Variants in UCK2 observed in about 807,000 individuals in gnomAD.
UCK2 encodes cytidine monophosphokinase 2.
UCK2 carries 6 observed loss-of-function variants against 30.8 expected under a neutral mutation model. That is an observed-to-expected ratio of 0.19 (90% CI 0.11 to 0.38). The LOEUF (loss-of-function observed/expected upper bound fraction) is 0.38, where lower values mean the gene tolerates loss of function less well. UCK2 is among the 10% of genes least tolerant of loss of function. The pLI, the probability that UCK2 is intolerant of heterozygous loss-of-function variation, is 1.00. For synonymous variants in UCK2, 125 were observed against 133.6 expected, an observed-to-expected ratio of 0.94 and a Z score of 0.45; for missense variants, 210 against 339.8, an observed-to-expected ratio of 0.62 and a Z score of 3.00.
At chr1:165,865,015 G>A (rs4657485) in intron 1 of UCK2, among the ~76,000 whole-genome samples, 101,631 of 151,954 alleles carry the variant, frequency 0.67, 34,157 homozygotes, top group South Asian at 0.77. Context: ...ACACACACAT[G>A]CACACACACA....
rs1439150975 is a variant in UCK2 at position 165,911,055 on chromosome 1, C to T, written c.*3232C>T. The T allele has an allele frequency of 6.6e-6, 1 of 152,306 alleles. No individual in the cohort carries two copies. The highest frequency in any genetic ancestry group is 1.5e-5 in the Non-Finnish European group (1 of 68,122). 9.4% of individuals were successfully genotyped at this position (152,306 alleles called of 1,614,324 possible). A position where few individuals can be genotyped will look rare whatever the true frequency, so the allele number is the denominator to read the frequency against. On this transcript the variant is annotated 3_prime_UTR_variant, in exon 7 of 7. Transcript: ENST00000367879. ...AGCAACCTTGACCTGCACTGGCCCT[C>T]ACAGCTGTTGGAGGGAAGTAGCCTC... is the stretch of plus-strand genomic sequence containing the variant.
Position 165,828,455 on chromosome 1 carries a change from G to A in UCK2, c.99+523G>A, listed in dbSNP as rs562073903. Reference sequence around the variant, plus strand: ...CGCGAGGCGGCATCCCGGGGAAGGGGAGCCCAGTGTGGGGCTGCACGCAAG... The same window carrying A: ...CGCGAGGCGGCATCCCGGGGAAGGGAAGCCCAGTGTGGGGCTGCACGCAAG... On this transcript the variant is annotated intron_variant, in intron 1 of 6. Transcript: ENST00000367879. Among the ~76,000 whole-genome samples, 20 of 152,370 alleles carry A rather than the reference G, an allele frequency of 1.3e-4. No homozygotes were observed. The South Asian group carries it at 3.9e-3, about 30-fold the overall frequency.
chr1:165,844,132 G>A (rs1654392161), intron 1 of UCK2, among the ~76,000 whole-genome samples: 1 of 152,208 alleles, frequency 6.6e-6, no homozygotes, highest in African/African-American at 2.4e-5. Flanking sequence ...TGTGTATAGA[G>A]TGCCAGGTGG....
At chr1:165,828,766 C>T (rs1455634715) in intron 1 of UCK2, among the ~76,000 whole-genome samples, 4 of 152,126 alleles carry the variant, frequency 2.6e-5, no homozygotes, top group African/African-American at 7.2e-5. Flanking sequence ...GACTTCCTAG[C>T]TTTACCCGGG....
At chr1:165,879,639 T>C (rs1655431979) in intron 1 of UCK2, among the ~76,000 whole-genome samples, 1 of 151,920 alleles carries the variant, frequency 6.6e-6, no homozygotes, top group African/African-American at 2.4e-5. Context: ...CTCCTCCTTA[T>C]ACAGTAACGT....
At chr1:165,897,560 T>G (rs1290553572) in intron 4 of UCK2, among the ~76,000 whole-genome samples, 1 of 152,198 alleles carries the variant, frequency 6.6e-6, no homozygotes, top group African/African-American at 2.4e-5. Context: ...ATGACGAGGT[T>G]AGCTCCTAGT....
chr1:165,879,374 A>G (rs1486723790), intron 1 of UCK2, among the ~76,000 whole-genome samples: 2 of 152,140 alleles, frequency 1.3e-5, no homozygotes, highest in African/African-American at 2.4e-5. Context: ...CTTCAGCACC[A>G]CTTCTTGAAA....
chr1:165,875,525 C>A (rs927368310), intron 1 of UCK2, among the ~76,000 whole-genome samples: 1 of 152,104 alleles, frequency 6.6e-6, no homozygotes, highest in Admixed American at 6.6e-5. Context: ...AGTGTCAAAT[C>A]CCACAGGTTG....
chr1:165,892,972 G>A (rs542271643), intron 3 of UCK2, among the ~76,000 whole-genome samples: 2 of 152,258 alleles, frequency 1.3e-5, no homozygotes, highest in South Asian at 2.1e-4. Flanking sequence ...GGTCATGAAG[G>A]GCCATAGGCG....
At chr1:165,870,201 A>ATTTTTTTTTT in intron 1 of UCK2, among the ~76,000 whole-genome samples, 1 of 94,708 alleles carries the variant, frequency 1.1e-5, no homozygotes, top group Non-Finnish European at 2.2e-5. Flanking sequence ...GTCTAACTTC[A>ATTTTTTTTTT]TTTTTTTTTT....
At chr1:165,832,433 TG>T (rs777691420) in intron 1 of UCK2, among the ~76,000 whole-genome samples, 4 of 152,230 alleles carry the variant, frequency 2.6e-5, no homozygotes, top group Non-Finnish European at 4.4e-5. Flanking sequence ...AGCAGTTTAC[TG>T]TTTATAAATT....
rs528834998 is a variant in UCK2, at chr1:165,850,855, C to G, written c.99+22923C>G. On this transcript the variant is annotated intron_variant, in intron 1 of 6. Transcript: ENST00000367879. ...GCCAGGATGGTCTTGATCTCCTGAC[C>G]TCGTGATCCACCCGCCTCGGCCTCC... is the stretch of plus-strand genomic sequence containing the variant. Among the ~76,000 whole-genome samples, 5 of 151,662 alleles carry G rather than the reference C, an allele frequency of 3.3e-5. No homozygotes were observed. The South Asian group carries it at 6.2e-4, about 19-fold the overall frequency.
rs768585454 is a variant in UCK2, at chr1:165,834,679, G to A, written c.99+6747G>A. 3.3e-5 allele frequency among the ~76,000 whole-genome samples: 5 copies of A among 152,062 alleles called. 1 individual carries two copies. The highest frequency in any genetic ancestry group is 7.4e-5 in the Non-Finnish European group (5 of 68,004). On this transcript the variant is annotated intron_variant, in intron 1 of 6. Coordinates refer to ENST00000367879, the MANE Select transcript of UCK2 (RefSeq NM_012474.5). ...AAAATTCAGTTTGCTTTGCCAACTC[G>A]CTATTGGCAATACTCTTTCCATAAC...
intron 1 of UCK2, among the ~76,000 whole-genome samples, chr1:165,884,768 G>T (rs1655578417): frequency 6.6e-6 from 1 of 152,194 alleles, no homozygotes; most frequent in Admixed American, 6.5e-5. Flanking sequence ...TATCCTTTGT[G>T]TAGCAATACA....
chr1:165,885,741 C>G lies in UCK2; in HGVS notation c.100-4463C>G, dbSNP rs189317686. Among the ~76,000 whole-genome samples the G allele has an allele frequency of 2.3e-4, 35 of 152,338 alleles. 1 individual carries two copies. The highest frequency in any genetic ancestry group is 1.0e-4 in the Non-Finnish European group (7 of 68,036). Reference sequence around the variant, plus strand: ...GGAATCCTGGCTCCATTCAACCTCTCTTTGCCTCTATGTTTGCCATCAGTG... The same window carrying G: ...GGAATCCTGGCTCCATTCAACCTCTGTTTGCCTCTATGTTTGCCATCAGTG... On this transcript the variant is annotated intron_variant, in intron 1 of 6. Transcript: ENST00000367879.
At chr1:165,902,881 C>G in intron 4 of UCK2, 1 of 222,152 alleles carries the variant, frequency 4.5e-6, no homozygotes, top group South Asian at 9.1e-5. Context: ...AAAATTCACA[C>G]TGAAATTTTG....
intron 1 of UCK2, among the ~76,000 whole-genome samples, chr1:165,869,750 AG>A (rs1655149920): frequency 7.1e-6 from 1 of 140,708 alleles, no homozygotes; most frequent in African/African-American, 2.6e-5. Context: ...AGCTCACTGC[AG>A]GCTCAAGCGA....
chr1:165,841,109 G>GTATATATA lies in UCK2; in HGVS notation c.99+13178_99+13179insATATATAT, dbSNP rs1427958973. Among the ~76,000 whole-genome samples, 292 of 46,506 alleles carry GTATATATA rather than the reference G, an allele frequency of 6.3e-3. 1 individual carries two copies. The highest frequency in any genetic ancestry group is 0.057 in the Middle Eastern group (5 of 88). 30.5% of individuals were successfully genotyped at this position (46,506 alleles called of 152,430 possible). ...TGTGTGCACACGTATGTGTGTGTGTGTGTATATATATATATATATATATAA... is the reference window on the plus strand; with the variant it reads ...TGTGTGCACACGTATGTGTGTGTGTGTATATATATGTATATATATATATATATATATAA... On this transcript the variant is annotated intron_variant, in intron 1 of 6. Transcript: ENST00000367879.
At chr1:165,852,863 C>T (rs1404092601) in intron 1 of UCK2, among the ~76,000 whole-genome samples, 2 of 152,164 alleles carry the variant, frequency 1.3e-5, no homozygotes, top group African/African-American at 4.8e-5. Flanking sequence ...TGCCACAGCT[C>T]TATGGAAACT....
Sources: gnomAD v4.1 joint callset for allele counts (sites outside exome capture counted in the v4.1 genomes callset) on GRCh38, gnomAD v4.1.1 for gene constraint, MANE v1.5 for transcripts, NCBI Gene and HGNC (gene_info 2026-07-23, HGNC 2026-07-21) for gene names.